PDLIM5: variants seen among roughly 807,000 people sequenced by gnomAD.
PDLIM5 encodes the protein PDZ and LIM domain protein 5.
A neutral mutation model predicts 64.2 loss-of-function variants in PDLIM5; 34 were observed. That is an observed-to-expected ratio of 0.53 (90% confidence interval 0.40 to 0.71). The LOEUF (loss-of-function observed/expected upper bound fraction) is 0.71. Among genes scored for constraint, PDLIM5 ranks in the 30% least tolerant of loss-of-function variants. PDLIM5 has a pLI of 0.00. For missense variants in PDLIM5, 683 were observed against 733.6 expected, an observed-to-expected ratio of 0.93 and a Z score of 0.80; for synonymous variants, 253 against 269.1, an observed-to-expected ratio of 0.94 and a Z score of 0.59.
chr4:94,635,615 G>A (rs1740496761), intron 8 of PDLIM5, among the ~76,000 whole-genome samples: 1 of 152,132 alleles, frequency 6.6e-6, no homozygotes, highest in South Asian at 2.1e-4. Flanking sequence ...ATGGAAGACT[G>A]GTTTTCTTTG....
At chr4:94,647,452 G>T (rs1741506310) in intron 9 of PDLIM5, among the ~76,000 whole-genome samples, 3 of 152,020 alleles carry the variant, frequency 2.0e-5, no homozygotes, top group Admixed American at 2.0e-4. Flanking sequence ...AAGAAAATGT[G>T]AGTTATAAAC....
intron 9 of PDLIM5, among the ~76,000 whole-genome samples, chr4:94,651,845 G>C (rs1337836206): frequency 6.6e-6 from 1 of 152,268 alleles, no homozygotes; most frequent in East Asian, 1.9e-4. Context: ...GAGCAAGGGT[G>C]AATTTCATAG....
chr4:94,571,354 G>A (rs912357293), intron 3 of PDLIM5, among the ~76,000 whole-genome samples: 2 of 152,148 alleles, frequency 1.3e-5, no homozygotes, highest in African/African-American at 4.8e-5. Flanking sequence ...GATTGTTCTA[G>A]CCACATTGAT....
chr4:94,507,461 G>A (rs964389584), intron 2 of PDLIM5, among the ~76,000 whole-genome samples: 1 of 152,078 alleles, frequency 6.6e-6, no homozygotes, highest in Non-Finnish European at 1.5e-5. Context: ...TTCACCTTGA[G>A]GCAAATTGCT....
At chr4:94,456,808 T>C (rs1477674795) in intron 2 of PDLIM5, 1 of 1,155,658 alleles carries the variant, frequency 8.7e-7, no homozygotes, top group African/African-American at 1.7e-5. Context: ...GTGCCAGTCT[T>C]ACCAACAAAC....
chr4:94,664,983 C>A lies in PDLIM5; in HGVS notation c.*916C>A. 2.0e-6 allele frequency: 2 copies of A among 982,276 alleles called. No individual in the cohort carries two copies. The highest frequency in any genetic ancestry group is 2.4e-6 in the Non-Finnish European group (2 of 827,086). The allele number at this position is 982,276 out of a possible 1,614,324, so 60.8% of individuals were successfully genotyped here. On this transcript the variant is annotated 3_prime_UTR_variant, in exon 13 of 13. Coordinates refer to ENST00000317968, the MANE Select transcript of PDLIM5 (RefSeq NM_006457.5). Reference sequence around the variant, plus strand: ...TCATGCCAGTAAGAGATGTTATATTCTTTTCTCATTTCTTCCCCACCCAAA... The same window carrying A: ...TCATGCCAGTAAGAGATGTTATATTATTTTCTCATTTCTTCCCCACCCAAA...
chr4:94,523,674 A>T, intron 2 of PDLIM5, 50 bp from the exon 3 acceptor site: 1 of 1,433,046 alleles, frequency 7.0e-7, no homozygotes. Flanking sequence ...ATCAGCATTT[A>T]TTATTCTTTT....
At chr4:94,452,729 G>A (rs968449184) in intron 1 of PDLIM5, among the ~76,000 whole-genome samples, 1 of 152,140 alleles carries the variant, frequency 6.6e-6, no homozygotes, top group Non-Finnish European at 1.5e-5. Flanking sequence ...TCGTGGCGGC[G>A]CTGGGCAGGG....
At chr4:94,633,924 C>T (rs1427350301) in intron 8 of PDLIM5, among the ~76,000 whole-genome samples, 2 of 152,008 alleles carry the variant, frequency 1.3e-5, no homozygotes, top group Non-Finnish European at 2.9e-5. Flanking sequence ...GTGTGAACAA[C>T]TGGAGAAAAG....
intron 7 of PDLIM5, among the ~76,000 whole-genome samples, chr4:94,617,523 T>A (rs1299570303): frequency 6.6e-6 from 1 of 151,464 alleles, no homozygotes; most frequent in Non-Finnish European, 1.5e-5. Context: ...AAGGAGTAAC[T>A]GGGCTGGGAA....
rs118013236 is a variant in PDLIM5 at position 94,480,127 on chromosome 4, G to A, written c.96+24743G>A. Among the ~76,000 whole-genome samples the A allele has an allele frequency of 1.3e-4, 20 of 152,228 alleles. No homozygotes were observed. In the East Asian group the frequency reaches 3.9e-3, roughly 29 times the overall value. Reference sequence around the variant, plus strand: ...TCTTACTCACCATGATTACTTTTTAGATAAATGTGGACCATAGAGAATATA... The same window carrying A: ...TCTTACTCACCATGATTACTTTTTAAATAAATGTGGACCATAGAGAATATA... On this transcript the variant is annotated intron_variant, in intron 2 of 12. Coordinates refer to ENST00000317968, the MANE Select transcript of PDLIM5 (RefSeq NM_006457.5).
chr4:94,508,295 G>C (rs1325512036), intron 2 of PDLIM5, among the ~76,000 whole-genome samples: 1 of 152,152 alleles, frequency 6.6e-6, no homozygotes, highest in Admixed American at 6.6e-5. Context: ...AAAGCCAACT[G>C]TGTAGGCTGG....
At position 94,479,054 on chromosome 4, in the gene PDLIM5, C is replaced by T. The variant is rs117608205; in HGVS notation, c.96+23670C>T. ...AGCTGGGACCACAGGCATGTGCCACCGGGGCTGGATAATTTTTTTTTTTTG... is the reference window on the plus strand; with the variant it reads ...AGCTGGGACCACAGGCATGTGCCACTGGGGCTGGATAATTTTTTTTTTTTG... On this transcript the variant is annotated intron_variant, in intron 2 of 12. Coordinates refer to ENST00000317968, the MANE Select transcript of PDLIM5 (RefSeq NM_006457.5). Among the ~76,000 whole-genome samples the T allele has an allele frequency of 1.1e-3, 159 of 151,052 alleles. 1 individual carries two copies. The East Asian group carries it at 0.024, about 23-fold the overall frequency.
At chr4:94,511,166 G>A (rs1728836786) in intron 2 of PDLIM5, among the ~76,000 whole-genome samples, 1 of 152,182 alleles carries the variant, frequency 6.6e-6, no homozygotes, top group African/African-American at 2.4e-5. Flanking sequence ...ATTGGCCTCA[G>A]GTTTCCTTTA....
chr4:94,622,921 G>A (rs1004275338), intron 8 of PDLIM5, among the ~76,000 whole-genome samples: 4 of 151,518 alleles, frequency 2.6e-5, no homozygotes, highest in South Asian at 2.1e-4. Context: ...CACCCACCCC[G>A]GCCTCCCAAA....
intron 3 of PDLIM5, among the ~76,000 whole-genome samples, chr4:94,535,357 T>A (rs898571683): frequency 1.3e-5 from 2 of 152,172 alleles, no homozygotes; most frequent in African/African-American, 4.8e-5. Flanking sequence ...GAAGTCTGGC[T>A]TTGCTCCTGT....
At chr4:94,534,179 C>CT (rs1368811814) in intron 3 of PDLIM5, among the ~76,000 whole-genome samples, 2 of 152,108 alleles carry the variant, frequency 1.3e-5, no homozygotes, top group African/African-American at 4.8e-5. Context: ...TTCTTCTTTA[C>CT]TGTGGGTTAA....
Position 94,625,754 on chromosome 4 carries a change from A to G in PDLIM5, c.1108+7563A>G, listed in dbSNP as rs907080640. ...AGACGTGAGCCACTGCGCCCGGCCA[A>G]TATTAGACATTCTTAACCTCTGATA... On this transcript the variant is annotated intron_variant, in intron 8 of 12. Coordinates refer to ENST00000317968, the MANE Select transcript of PDLIM5 (RefSeq NM_006457.5). Among the ~76,000 whole-genome samples, 172 of 152,262 alleles carry G rather than the reference A, an allele frequency of 1.1e-3. 1 individual carries two copies. Among genetic ancestry groups the G allele is most frequent in the African/African-American group, 4.0e-3 (165 of 41,548 alleles).
At chr4:94,545,779 A>G (rs1349783847) in intron 3 of PDLIM5, among the ~76,000 whole-genome samples, 1 of 152,192 alleles carries the variant, frequency 6.6e-6, no homozygotes, top group Non-Finnish European at 1.5e-5. Context: ...TGCATTTCAC[A>G]CTTGTGTAAG....
Sources: gnomAD v4.1 joint callset for allele counts (sites outside exome capture counted in the v4.1 genomes callset) on GRCh38, gnomAD v4.1.1 for gene constraint, MANE v1.5 for transcripts, NCBI Gene and HGNC (gene_info 2026-07-23, HGNC 2026-07-21) for gene names.